Variants in PSPH observed in about 807,000 individuals in gnomAD.
The protein encoded by PSPH is L-3-phosphoserine phosphatase.
A neutral mutation model predicts 23.4 loss-of-function variants in PSPH; 16 were observed. That is an observed-to-expected ratio of 0.68 (90% CI 0.46 to 1.04). PSPH has a LOEUF of 1.04. PSPH is among the 50% of genes least tolerant of loss of function. PSPH has a pLI of 0.00. For missense variants in PSPH, 223 were observed against 273.7 expected, an observed-to-expected ratio of 0.81 and a Z score of 1.31; for synonymous variants, 68 against 99.7, an observed-to-expected ratio of 0.68 and a Z score of 1.89.
chr7:56,036,772 A>AAT (rs537799191), intron 1 of PSPH, among the ~76,000 whole-genome samples: 2,191 of 151,794 alleles, frequency 0.014, 28 homozygotes, highest in Non-Finnish European at 0.024. Context: ...ATCACATTAA[A>AAT]ATATATATAT....
At chr7:56,026,992 G>A (rs1316098319) in intron 3 of PSPH, among the ~76,000 whole-genome samples, 1 of 151,522 alleles carries the variant, frequency 6.6e-6, no homozygotes, top group Admixed American at 6.6e-5. Flanking sequence ...GATCACCTGA[G>A]GTTGGGAGTT....
chr7:56,039,510 G>A (rs1026509191), intron 1 of PSPH, among the ~76,000 whole-genome samples: 4 of 152,116 alleles, frequency 2.6e-5, no homozygotes, highest in African/African-American at 7.2e-5. Flanking sequence ...GGGCACGGTG[G>A]CTCACACCTG....
chr7:56,022,660 G>C (rs1429499818), intron 3 of PSPH, among the ~76,000 whole-genome samples: 2 of 152,314 alleles, frequency 1.3e-5, no homozygotes, highest in Non-Finnish European at 2.9e-5. Context: ...CCAGATACTG[G>C]GAAAGGCTTT....
intron 1 of PSPH, among the ~76,000 whole-genome samples, chr7:56,050,066 T>C (rs746200125): frequency 6.6e-6 from 1 of 152,104 alleles, no homozygotes; most frequent in Non-Finnish European, 1.5e-5. Context: ...GCAGTTATAA[T>C]AAATCCGCAT....
intron 1 of PSPH, among the ~76,000 whole-genome samples, chr7:56,042,205 C>A (rs900175073): frequency 1.5e-5 from 2 of 130,102 alleles, no homozygotes; most frequent in Non-Finnish European, 3.1e-5. Context: ...GGCGACAGAG[C>A]GAGATTCTGT....
chr7:56,049,591 A>AC (rs1231327875), intron 1 of PSPH, among the ~76,000 whole-genome samples: 2 of 151,996 alleles, frequency 1.3e-5, no homozygotes, highest in African/African-American at 2.4e-5. Context: ...GGCAGCCGCC[A>AC]CCATGCCCAG....
At chr7:56,017,692 G>A (rs1390591319) in intron 5 of PSPH, among the ~76,000 whole-genome samples, 1 of 148,626 alleles carries the variant, frequency 6.7e-6, no homozygotes, top group Non-Finnish European at 1.5e-5. Context: ...TGGGATTACA[G>A]GCACCTGCCA....
chr7:56,047,154 CAGG>C (rs1440753343), intron 1 of PSPH, among the ~76,000 whole-genome samples: 1 of 151,502 alleles, frequency 6.6e-6, no homozygotes, highest in Non-Finnish European at 1.5e-5. Flanking sequence ...GAGGCTGAGG[CAGG>C]AGGACTGCTT....
At chr7:56,027,530 C>A (rs1048523469) in intron 3 of PSPH, among the ~76,000 whole-genome samples, 1 of 149,912 alleles carries the variant, frequency 6.7e-6, no homozygotes, top group Non-Finnish European at 1.5e-5. Flanking sequence ...TCGAGACCAC[C>A]CTGGCCAAAA....
At chr7:56,037,465 C>A (rs1025178122) in intron 1 of PSPH, among the ~76,000 whole-genome samples, 5 of 150,950 alleles carry the variant, frequency 3.3e-5, no homozygotes, top group Non-Finnish European at 7.4e-5. Context: ...GTAACCCAGG[C>A]TGAAGTGCAG....
intron 1 of PSPH, among the ~76,000 whole-genome samples, chr7:56,034,920 TG>T (rs148497790): frequency 0.21 from 30,985 of 150,470 alleles, 3,526 homozygotes; most frequent in African/African-American, 0.29. Context: ...TAAATAGAGA[TG>T]GGGGGGGGTC....
intron 1 of PSPH, among the ~76,000 whole-genome samples, chr7:56,040,683 A>G (rs963940909): frequency 1.3e-5 from 2 of 152,032 alleles, no homozygotes; most frequent in Non-Finnish European, 2.9e-5. Context: ...ATGAGGCAGA[A>G]ATCCCATATT....
chr7:56,021,188 T>G lies in PSPH; in HGVS notation c.25A>C (p.Lys9Gln). The G allele has an allele frequency of 6.2e-7, 1 of 1,614,222 alleles. No individual in the cohort carries two copies. Among genetic ancestry groups the G allele is most frequent in the Non-Finnish European group, 8.5e-7 (1 of 1,180,020 alleles). Residue 9 changes from lysine to glutamine, a missense_variant, in exon 4 of 8, where the codon AAG (lysine) becomes CAG (glutamine). Physicochemically the swap from Lys to Gln is moderately conservative, Grantham distance 53. Transcript: ENST00000275605. ...ACAGCATCTGCTGAGTAGAAAAGCT[T>G]CCTCAGCTCTGAGTGGGAGACCATC... MVSHSELRKLFYSADAVCF... is the reference protein window; with the variant it reads MVSHSELRQLFYSADAVCF...
intron 1 of PSPH, among the ~76,000 whole-genome samples, chr7:56,044,799 G>GA (rs540322294): frequency 4.0e-5 from 6 of 150,066 alleles, no homozygotes; most frequent in South Asian, 2.1e-4. Context: ...AGTGAGACTG[G>GA]AAAAAAAAAG....
chr7:56,020,559 A>G (rs1189025231), intron 4 of PSPH, among the ~76,000 whole-genome samples: 1 of 151,334 alleles, frequency 6.6e-6, no homozygotes, highest in Non-Finnish European at 1.5e-5. Context: ...TGGGAGGCAG[A>G]GGTTGCAGTG....
At chr7:56,037,905 G>T (rs780132950) in intron 1 of PSPH, among the ~76,000 whole-genome samples, 13 of 151,108 alleles carry the variant, frequency 8.6e-5, no homozygotes, top group East Asian at 7.9e-4. Flanking sequence ...TACAGACGGG[G>T]TTTCACCATG....
At chr7:56,032,672 C>T (rs1364722716) in intron 2 of PSPH, among the ~76,000 whole-genome samples, 5 of 150,396 alleles carry the variant, frequency 3.3e-5, no homozygotes, top group Non-Finnish European at 7.4e-5. Flanking sequence ...AAAAAAAGGC[C>T]GGGCATGGGG....
At chr7:56,012,373 A>G (rs933771573) in intron 7 of PSPH, among the ~76,000 whole-genome samples, 7 of 151,854 alleles carry the variant, frequency 4.6e-5, no homozygotes, top group African/African-American at 1.7e-4. Context: ...TTAGAGACAG[A>G]GTTTTGCCAC....
chr7:56,037,902 G>A (rs564981150), intron 1 of PSPH, among the ~76,000 whole-genome samples: 34 of 151,000 alleles, frequency 2.3e-4, no homozygotes, highest in Non-Finnish European at 3.8e-4. Context: ...TAGTACAGAC[G>A]GGGTTTCACC....
Sources: gnomAD v4.1 joint callset for allele counts (sites outside exome capture counted in the v4.1 genomes callset) on GRCh38, gnomAD v4.1.1 for gene constraint, MANE v1.5 for transcripts, NCBI Gene and HGNC (gene_info 2026-07-23, HGNC 2026-07-21) for gene names.